The following ATF1 variants were observed in gnomAD, a reference collection of about 807,000 sequenced individuals.
The protein encoded by ATF1 is cyclic AMP-dependent transcription factor ATF-1.
Under a neutral mutation model 34.7 loss-of-function variants are expected in ATF1, and 16 were observed. The observed-to-expected ratio is 0.46, with a 90% CI of 0.31 to 0.70. The LOEUF (loss-of-function observed/expected upper bound fraction) is 0.70, where lower values mean the gene tolerates loss of function less well. Ranked by LOEUF, ATF1 falls within the 30% of genes least tolerant of loss-of-function variation. The probability of loss-of-function intolerance (pLI) is 0.05; values close to 1 mark genes in which losing one functional copy is unlikely to be tolerated. For synonymous variants in ATF1, 105 were observed against 113.1 expected, an observed-to-expected ratio of 0.93 and a Z score of 0.46; for missense variants, 255 against 321.6, an observed-to-expected ratio of 0.79 and a Z score of 1.58.
chr12:50,784,782 T>G (rs1941146492), intron 2 of ATF1, among the ~76,000 whole-genome samples: 1 of 152,174 alleles, frequency 6.6e-6, no homozygotes, highest in South Asian at 2.1e-4. Context: ...ACCAGTGTGG[T>G]AGCTGGGGTA....
At chr12:50,808,803 G>A (rs989845325) in intron 3 of ATF1, among the ~76,000 whole-genome samples, 1 of 148,422 alleles carries the variant, frequency 6.7e-6, no homozygotes, top group African/African-American at 2.5e-5. Flanking sequence ...GCAGTGGCGC[G>A]ACCTCGACTC....
At chr12:50,777,314 G>T (rs1474434827) in intron 1 of ATF1, among the ~76,000 whole-genome samples, 3 of 152,136 alleles carry the variant, frequency 2.0e-5, no homozygotes, top group Non-Finnish European at 1.5e-5. Context: ...ACAATAATGT[G>T]ATTAATATCT....
intron 1 of ATF1, among the ~76,000 whole-genome samples, chr12:50,770,097 C>T (rs751178877): frequency 3.3e-5 from 5 of 152,248 alleles, no homozygotes; most frequent in Admixed American, 6.5e-5. Flanking sequence ...CTGCTGTGAA[C>T]GAAATTTGGA....
chr12:50,786,251 C>T (rs1941183068), intron 2 of ATF1, among the ~76,000 whole-genome samples: 1 of 152,184 alleles, frequency 6.6e-6, no homozygotes, highest in South Asian at 2.1e-4. Flanking sequence ...GAATGTTACT[C>T]TTACCCTGAA....
intron 3 of ATF1, among the ~76,000 whole-genome samples, chr12:50,807,813 GTTTTTTTTTTT>G (rs59464118): frequency 2.4e-5 from 3 of 125,786 alleles, no homozygotes; most frequent in African/African-American, 5.7e-5. Context: ...TTTTTTTTTT[GTTTTTTTTTTT>G]TTTTTGAGAG....
chr12:50,812,746 C>T (rs1941762517), intron 4 of ATF1, among the ~76,000 whole-genome samples: 1 of 151,986 alleles, frequency 6.6e-6, no homozygotes, highest in South Asian at 2.1e-4. Flanking sequence ...ATTGCTTGAG[C>T]CCAGGAGGTA....
At chr12:50,772,949 T>G (rs1434541990) in intron 1 of ATF1, among the ~76,000 whole-genome samples, 2 of 152,152 alleles carry the variant, frequency 1.3e-5, no homozygotes, top group Non-Finnish European at 2.9e-5. Context: ...CCCCAGTGTG[T>G]GTTGTTCTCC....
intron 1 of ATF1, among the ~76,000 whole-genome samples, chr12:50,777,886 C>A (rs1565901737): frequency 2.0e-5 from 3 of 151,288 alleles, no homozygotes; most frequent in African/African-American, 7.3e-5. Flanking sequence ...ACCTAGCTGC[C>A]CTCTCTCTCT....
chr12:50,804,815 T>C (rs1941582768), intron 3 of ATF1, among the ~76,000 whole-genome samples: 1 of 151,788 alleles, frequency 6.6e-6, no homozygotes. Flanking sequence ...AAGATCTTTT[T>C]TTTTTTTTTT....
intron 1 of ATF1, among the ~76,000 whole-genome samples, chr12:50,773,790 A>T (rs1347217072): frequency 2.0e-5 from 3 of 151,834 alleles, no homozygotes. Flanking sequence ...GGGTTTTGCC[A>T]TATTGGCCAG....
At chr12:50,780,651 TTA>T (rs142947977) in intron 2 of ATF1, among the ~76,000 whole-genome samples, 11 of 29,164 alleles carry the variant, frequency 3.8e-4, no homozygotes, top group African/African-American at 8.6e-4. Context: ...GGCATTAATG[TTA>T]AAAAAAAAAA....
intron 2 of ATF1, among the ~76,000 whole-genome samples, chr12:50,782,106 A>C (rs1941075877): frequency 6.6e-6 from 1 of 152,180 alleles, no homozygotes; most frequent in Non-Finnish European, 1.5e-5. Context: ...CTTTTAAAAC[A>C]CTACACATCT....
chr12:50,775,272 T>G (rs780734447), intron 1 of ATF1, among the ~76,000 whole-genome samples: 4 of 152,128 alleles, frequency 2.6e-5, no homozygotes, highest in Non-Finnish European at 5.9e-5. Flanking sequence ...GTTATAATTA[T>G]TGTCTAAAAT....
chr12:50,784,642 T>G (rs909736287), intron 2 of ATF1, among the ~76,000 whole-genome samples: 5 of 152,122 alleles, frequency 3.3e-5, no homozygotes, highest in African/African-American at 1.2e-4. Flanking sequence ...GGGGAACCTT[T>G]AGAGTGTTTT....
Position 50,819,611 on chromosome 12 carries a change from TG to T in ATF1, c.672-23del, listed in dbSNP as rs746567709. ...AAGAATGTGAAGTTTTTTCTAACAT[TG>T]TTTTTTTAATGCTCATATTTAGAGA... On this transcript the variant is annotated intron_variant, in intron 6 of 6. Coordinates refer to ENST00000262053, the MANE Select transcript of ATF1 (RefSeq NM_005171.5). 2.5e-6 allele frequency: 4 copies of T among 1,603,880 alleles called. No homozygotes were observed. The South Asian group carries it at 3.4e-5, about 14-fold the overall frequency.
At chr12:50,780,322 G>A in intron 2 of ATF1, 84 bp downstream of exon 2, 4 of 1,247,864 alleles carry the variant, frequency 3.2e-6, no homozygotes, top group Non-Finnish European at 4.5e-6. Context: ...GATTATTAAT[G>A]TGTTTTATTT....
chr12:50,785,040 C>T (rs1311466504), intron 2 of ATF1, among the ~76,000 whole-genome samples: 1 of 137,770 alleles, frequency 7.3e-6, no homozygotes, highest in Admixed American at 7.4e-5. Flanking sequence ...AATGCTATCC[C>T]TCCCCCCTCC....
Position 50,768,029 on chromosome 12 carries a change from C to T in ATF1, c.-7+3722C>T, listed in dbSNP as rs555982235. 3.0e-4 allele frequency among the ~76,000 whole-genome samples: 46 copies of T among 152,152 alleles called. 1 individual carries two copies. Among genetic ancestry groups the T allele is most frequent in the East Asian group, 2.9e-3 (15 of 5,156 alleles). ...CTGGGATTACAGGTGTGTGCCACTACGCCCAGCTAATTTTTGTATTTTTAG... is the reference window on the plus strand; with the variant it reads ...CTGGGATTACAGGTGTGTGCCACTATGCCCAGCTAATTTTTGTATTTTTAG... On this transcript the variant is annotated intron_variant, in intron 1 of 6. Coordinates refer to ENST00000262053, the MANE Select transcript of ATF1 (RefSeq NM_005171.5).
intron 6 of ATF1, among the ~76,000 whole-genome samples, chr12:50,815,862 A>T (rs1029211493): frequency 6.6e-6 from 1 of 152,244 alleles, no homozygotes; most frequent in Non-Finnish European, 1.5e-5. Flanking sequence ...TAATAGAATC[A>T]ACTATGTGTC....
Sources: allele counts gnomAD v4.1 joint callset (sites outside exome capture counted in the v4.1 genomes callset), GRCh38; gene constraint gnomAD v4.1.1; transcripts MANE v1.5; gene names NCBI Gene and HGNC (gene_info 2026-07-23, HGNC 2026-07-21).